The following MYLK4 variants were observed in gnomAD, a reference collection of about 807,000 sequenced individuals.
MYLK4 encodes myosin light chain kinase family member 4.
Under a neutral mutation model 48.1 loss-of-function variants are expected in MYLK4, and 46 were observed. That is an observed-to-expected ratio of 0.96 (90% CI 0.75 to 1.22). The LOEUF (loss-of-function observed/expected upper bound fraction) is 1.22, where lower values mean the gene tolerates loss of function less well. Ranked by LOEUF, MYLK4 falls within the 50% of genes most tolerant of loss-of-function variation. The pLI is 0.00. For synonymous variants in MYLK4, 170 were observed against 180.8 expected (o/e 0.94, Z 0.48); for missense variants, 451 against 486.1 (o/e 0.93, Z 0.68).
intron 2 of MYLK4, among the ~76,000 whole-genome samples, chr6:2,715,704 G>C (rs1258975369): frequency 6.6e-6 from 1 of 152,146 alleles, no homozygotes; most frequent in Non-Finnish European, 1.5e-5. Flanking sequence ...GGTCAAAACC[G>C]CTAGCAAACA....
At chr6:2,734,374 C>T (rs931494476) in intron 2 of MYLK4, among the ~76,000 whole-genome samples, 3 of 152,210 alleles carry the variant, frequency 2.0e-5, no homozygotes, top group African/African-American at 7.2e-5. Context: ...ACCTGTCCTC[C>T]AGGAGACCAA....
intron 12 of MYLK4, among the ~76,000 whole-genome samples, chr6:2,669,573 G>A (rs1214996923): frequency 1.3e-5 from 2 of 152,128 alleles, no homozygotes; most frequent in African/African-American, 2.4e-5. Flanking sequence ...GTTTGTGGTC[G>A]CTAGGGACAA....
chr6:2,768,992 C>T, the MYLK4 span: 4 of 1,144,162 alleles, frequency 3.5e-6, no homozygotes, highest in Middle Eastern at 3.1e-4. Flanking sequence ...TACAAAGAAG[C>T]GTAGGCTTGT....
intron 2 of MYLK4, among the ~76,000 whole-genome samples, chr6:2,699,640 G>A (rs1762216615): frequency 6.6e-6 from 1 of 151,950 alleles, no homozygotes; most frequent in African/African-American, 2.4e-5. Context: ...AAGACCGTGT[G>A]GAGCCCAGGA....
intron 2 of MYLK4, among the ~76,000 whole-genome samples, chr6:2,719,041 T>C (rs1193409882): frequency 1.3e-5 from 2 of 152,204 alleles, no homozygotes; most frequent in Non-Finnish European, 2.9e-5. Context: ...CTTTGGACTG[T>C]TCTTGCAGAC....
At chr6:2,762,056 C>T in the MYLK4 span, among the ~76,000 whole-genome samples, 23 of 152,104 alleles carry the variant, frequency 1.5e-4, no homozygotes, top group African/African-American at 5.3e-4. Flanking sequence ...GGACTACAGG[C>T]TCGCACCGCC....
chr6:2,680,101 TTAAA>T (rs2113115625), intron 8 of MYLK4, 116 bp downstream of exon 8: 1 of 1,192,530 alleles, frequency 8.4e-7, no homozygotes, highest in Admixed American at 2.6e-5. Flanking sequence ...ATAATTTTTG[TTAAA>T]TTAATTATAA....
Position 2,695,283 on chromosome 6 carries a change from T to A in MYLK4, c.160-2424A>T, listed in dbSNP as rs185756643. The stretch of plus-strand genomic sequence containing the variant: ...TCTGTGTGGCATGAATGCAATGATA[T>A]AAGCATACGTGGATTTAATAATGAA... On this transcript the variant is annotated intron_variant, in intron 2 of 12. Transcript: ENST00000274643. Among the ~76,000 whole-genome samples the A allele has an allele frequency of 2.8e-3, 433 of 152,348 alleles. 3 individuals are homozygous for A. The highest frequency in any genetic ancestry group is 1.0e-2 in the African/African-American group (414 of 41,580).
intron 2 of MYLK4, among the ~76,000 whole-genome samples, chr6:2,725,589 A>AAGAAAGAGAGAGAAAG (rs1561868174): frequency 6.9e-6 from 1 of 145,148 alleles, no homozygotes; most frequent in Non-Finnish European, 1.5e-5. Context: ...AAGAAAGAGA[A>AAGAAAGAGAGAGAAAG]AGAAAGAAAG....
intron 2 of MYLK4, among the ~76,000 whole-genome samples, chr6:2,745,207 G>C (rs774202898): frequency 1.3e-5 from 2 of 152,146 alleles, no homozygotes; most frequent in Non-Finnish European, 2.9e-5. Context: ...AAGGGGTGTG[G>C]GGGTGTATAT....
intron 3 of MYLK4, among the ~76,000 whole-genome samples, chr6:2,691,606 T>A (rs1761802189): frequency 6.6e-6 from 1 of 152,232 alleles, no homozygotes. Context: ...AGATTTAGGT[T>A]TTTAACTTAC....
chr6:2,766,343 G>A, the MYLK4 span: 2 of 1,610,622 alleles, frequency 1.2e-6, no homozygotes, highest in Non-Finnish European at 1.7e-6. Flanking sequence ...GGATTACTTC[G>A]GGCAGAGCAA....
the MYLK4 span, chr6:2,766,246 GCACCCCC>G: frequency 1.5e-5 from 22 of 1,484,356 alleles, no homozygotes; most frequent in Non-Finnish European, 2.0e-5. Context: ...GGGGCCGCCC[GCACCCCC>G]GGGCGCTGGC....
At chr6:2,679,573 T>C (rs566645137) in intron 8 of MYLK4, 165 bp from the exon 9 acceptor site, 2 of 875,362 alleles carry the variant, frequency 2.3e-6, no homozygotes, top group East Asian at 2.5e-5. Context: ...CAAAAACTTG[T>C]AAAGAGGCCC....
rs189809275 is a variant in MYLK4 at position 2,745,017 on chromosome 6, A to G, written c.159+4119T>C. Among the ~76,000 whole-genome samples, 158 of 152,264 alleles carry G rather than the reference A, an allele frequency of 1.0e-3. No individual in the cohort carries two copies. In the East Asian group the frequency reaches 0.025, roughly 24 times the overall value. ...TGGGACCATGCCTTTTGGATGGAGGATGAGTAACTAGGGGTGAACAGGCAG... is the reference window on the plus strand; with the variant it reads ...TGGGACCATGCCTTTTGGATGGAGGGTGAGTAACTAGGGGTGAACAGGCAG... On this transcript the variant is annotated intron_variant, in intron 2 of 12. Coordinates refer to ENST00000274643, the MANE Select transcript of MYLK4 (RefSeq NM_001012418.5).
At chr6:2,762,519 G>C in the MYLK4 span, among the ~76,000 whole-genome samples, 1 of 152,154 alleles carries the variant, frequency 6.6e-6, no homozygotes, top group Non-Finnish European at 1.5e-5. Context: ...CTCTATAAAT[G>C]TTTAAAATCA....
chr6:2,740,097 T>C (rs1393275401), intron 2 of MYLK4, among the ~76,000 whole-genome samples: 2 of 152,206 alleles, frequency 1.3e-5, no homozygotes, highest in Admixed American at 6.5e-5. Flanking sequence ...GTGCCCACCA[T>C]GGGGTTCAAA....
chr6:2,763,224 A>G, the MYLK4 span, among the ~76,000 whole-genome samples: 1 of 152,248 alleles, frequency 6.6e-6, no homozygotes, highest in Admixed American at 6.5e-5. Flanking sequence ...TTAGCTAGAC[A>G]TAAAGGTTCT....
chr6:2,715,963 G>A (rs1411960539), intron 2 of MYLK4, among the ~76,000 whole-genome samples: 1 of 152,172 alleles, frequency 6.6e-6, no homozygotes, highest in South Asian at 2.1e-4. Context: ...AGGCTACCAC[G>A]ACTGTTGCCC....
Sources: allele counts gnomAD v4.1 joint callset (sites outside exome capture counted in the v4.1 genomes callset), GRCh38; gene constraint gnomAD v4.1.1; transcripts MANE v1.5; gene names NCBI Gene and HGNC (gene_info 2026-07-23, HGNC 2026-07-21).